Variants in REEP5 observed in about 807,000 individuals in gnomAD.
REEP5 encodes receptor accessory protein 5.
In REEP5, 24 loss-of-function variants were observed where a neutral mutation model predicts 22.4. The observed-to-expected ratio is 1.07, with a 90% CI of 0.78 to 1.51. REEP5 has a LOEUF of 1.51. Ranked by LOEUF, REEP5 falls within the 40% of genes most tolerant of loss-of-function variation. The pLI, the probability that REEP5 is intolerant of heterozygous loss-of-function variation, is 0.00. For missense variants in REEP5, 252 were observed against 233.0 expected (o/e 1.08, Z -0.53); for synonymous variants, 103 against 88.6 (o/e 1.16, Z -0.92).
At position 112,908,099 on chromosome 5, in the gene REEP5, T is replaced by G. The variant is rs1768997616; in HGVS notation, c.213-5581A>C. Among the ~76,000 whole-genome samples the G allele has an allele frequency of 2.2e-5, 3 of 137,132 alleles. 1 individual carries two copies. Among genetic ancestry groups the G allele is most frequent in the African/African-American group, 8.2e-5 (3 of 36,436 alleles). 90.0% of individuals were successfully genotyped at this position (137,132 alleles called of 152,430 possible). ...GAGCATCAGAGACTTTCTTTGTTTT[T>G]TGTTTTTTTTTTTTTTTTTTGATGG... On this transcript the variant is annotated intron_variant, in intron 2 of 4. Transcript: ENST00000379638.
chr5:112,921,072 C>T, intron 2 of REEP5, 91 bp downstream of exon 2: 1 of 1,278,320 alleles, frequency 7.8e-7, no homozygotes, highest in Non-Finnish European at 1.1e-6. Flanking sequence ...TCACTTTTCT[C>T]CCGGGAATTG....
chr5:112,879,559 T>C (rs866049264), intron 4 of REEP5, among the ~76,000 whole-genome samples: 33 of 152,116 alleles, frequency 2.2e-4, no homozygotes, highest in Non-Finnish European at 2.8e-4. Flanking sequence ...CTACAGGCTC[T>C]GCCTCCCGGG....
Position 112,913,304 on chromosome 5 carries a change from CAGAA to C in REEP5, c.212+7855_212+7858del, listed in dbSNP as rs1240537356. Among the ~76,000 whole-genome samples the C allele has an allele frequency of 6.7e-5, 7 of 105,024 alleles. No individual in the cohort carries two copies. The South Asian group carries it at 1.2e-3, about 18-fold the overall frequency. The allele number at this position is 105,024 out of a possible 152,430, so 68.9% of individuals were successfully genotyped here. On this transcript the variant is annotated intron_variant, in intron 2 of 4. Coordinates refer to ENST00000379638, the MANE Select transcript of REEP5 (RefSeq NM_005669.5). ...GGGAAACTCCATCAAGAAAGAAAGA[CAGAA>C]AGAAAGAAAGACAGACAGACAGAAA...
intron 2 of REEP5, among the ~76,000 whole-genome samples, chr5:112,911,993 T>G (rs974313851): frequency 1.3e-5 from 2 of 152,196 alleles, no homozygotes; most frequent in Non-Finnish European, 2.9e-5. Context: ...TGACACAAAG[T>G]TAAAGAACTA....
chr5:112,906,626 G>A (rs1768961240), intron 2 of REEP5, among the ~76,000 whole-genome samples: 1 of 152,156 alleles, frequency 6.6e-6, no homozygotes, highest in African/African-American at 2.4e-5. Context: ...GAAGTGAACA[G>A]GATAGTGTTC....
At chr5:112,915,744 G>T (rs1357733814) in intron 2 of REEP5, among the ~76,000 whole-genome samples, 1 of 152,184 alleles carries the variant, frequency 6.6e-6, no homozygotes, top group Non-Finnish European at 1.5e-5. Flanking sequence ...GCATTGCTCT[G>T]CTCTTCAACA....
At chr5:112,921,309 G>T (rs1182738493) in intron 1 of REEP5, 53 bp from the exon 2 acceptor site, 10 of 1,560,566 alleles carry the variant, frequency 6.4e-6, no homozygotes, top group Admixed American at 1.7e-5. Context: ...CCGTTCACGC[G>T]GGACAGCCGC....
chr5:112,879,607 G>A (rs1768008264), intron 4 of REEP5, among the ~76,000 whole-genome samples: 1 of 152,020 alleles, frequency 6.6e-6, no homozygotes, highest in Non-Finnish European at 1.5e-5. Flanking sequence ...CCGAGTAGCT[G>A]GGACTACATG....
intron 3 of REEP5, chr5:112,892,983 C>T (rs1486964004): frequency 6.3e-7 from 1 of 1,585,712 alleles, no homozygotes; most frequent in South Asian, 1.1e-5. Flanking sequence ...GCAGGAGCCA[C>T]CGCAGCCGGA....
At chr5:112,883,946 T>G (rs1416806212) in intron 4 of REEP5, among the ~76,000 whole-genome samples, 1 of 152,136 alleles carries the variant, frequency 6.6e-6, no homozygotes, top group African/African-American at 2.4e-5. Context: ...ATCCCATTAC[T>G]TCTACCTTTG....
At chr5:112,893,385 G>A (rs1329208378) in intron 3 of REEP5, 4 of 198,428 alleles carry the variant, frequency 2.0e-5, no homozygotes, top group Non-Finnish European at 4.2e-5. Flanking sequence ...ACTCCAGCCT[G>A]GGTGACAGAG....
chr5:112,891,997 C>A, intron 3 of REEP5: 2 of 1,268,624 alleles, frequency 1.6e-6, no homozygotes, highest in Non-Finnish European at 1.2e-6. Context: ...GAAAGAACAG[C>A]AGAGGAAAGA....
At chr5:112,911,465 T>A (rs993891276) in intron 2 of REEP5, among the ~76,000 whole-genome samples, 1 of 152,226 alleles carries the variant, frequency 6.6e-6, no homozygotes, top group Admixed American at 6.5e-5. Context: ...TACTTACAGC[T>A]AATGCTTACT....
intron 4 of REEP5, 80 bp from the exon 5 acceptor site, chr5:112,878,915 T>C: frequency 1.2e-6 from 2 of 1,606,202 alleles, no homozygotes; most frequent in East Asian, 2.2e-5. Flanking sequence ...TTGTGCCTAA[T>C]GTAGCTACTA....
intron 3 of REEP5, chr5:112,892,492 T>C (rs768556860): frequency 3.1e-6 from 5 of 1,614,134 alleles, no homozygotes; most frequent in Non-Finnish European, 3.4e-6. Context: ...GGAAGAAGAA[T>C]GCCAAGCAGC....
At chr5:112,883,879 G>T (rs957409144) in intron 4 of REEP5, among the ~76,000 whole-genome samples, 1 of 151,896 alleles carries the variant, frequency 6.6e-6, no homozygotes, top group Non-Finnish European at 1.5e-5. Flanking sequence ...TAAAAAGCTC[G>T]TCCTTGTCCT....
intron 4 of REEP5, 71 bp from the exon 5 acceptor site, chr5:112,878,906 T>C: frequency 6.2e-7 from 1 of 1,610,354 alleles, no homozygotes; most frequent in African/African-American, 1.3e-5. Context: ...TTGCAAGCTT[T>C]GTGCCTAATG....
intron 3 of REEP5, chr5:112,894,538 C>T (rs971690913): frequency 6.6e-5 from 10 of 152,208 alleles, no homozygotes; most frequent in African/African-American, 1.9e-4. Flanking sequence ...TCTTGAGTAA[C>T]ATTTTTGACA....
intron 4 of REEP5, 63 bp downstream of exon 4, chr5:112,886,952 T>A (rs956607173): frequency 7.9e-7 from 1 of 1,260,920 alleles, no homozygotes; most frequent in African/African-American, 1.5e-5. Context: ...GGAAGCCTGT[T>A]ATTTGAGCCC....
Sources: gnomAD v4.1 joint callset for allele counts (sites outside exome capture counted in the v4.1 genomes callset) on GRCh38, gnomAD v4.1.1 for gene constraint, MANE v1.5 for transcripts, NCBI Gene and HGNC (gene_info 2026-07-23, HGNC 2026-07-21) for gene names.